KIAA1217: variants seen among roughly 807,000 people sequenced by gnomAD.
KIAA1217 encodes KIAA1217, also known as sickle tail protein homolog.
In KIAA1217, 88 loss-of-function variants were observed where a neutral mutation model predicts 163.9. The ratio of observed to expected loss-of-function variants is 0.54; its 90% CI spans 0.45 to 0.64. KIAA1217 has a LOEUF of 0.64. Ranked by LOEUF, KIAA1217 falls within the 30% of genes least tolerant of loss-of-function variation. The probability of loss-of-function intolerance (pLI) is 0.00; values close to 1 mark genes in which losing one functional copy is unlikely to be tolerated. For synonymous variants in KIAA1217, 903 were observed against 923.1 expected (o/e 0.98, Z 0.39); for missense variants, 2,372 against 2,475.0 (o/e 0.96, Z 0.88).
At chr10:24,539,449 T>G (rs2135376440) in intron 17 of KIAA1217, among the ~76,000 whole-genome samples, 1 of 152,130 alleles carries the variant, frequency 6.6e-6, no homozygotes, top group Non-Finnish European at 1.5e-5. Flanking sequence ...CAGGCTGGTC[T>G]TCAACTACTG....
intron 1 of KIAA1217, among the ~76,000 whole-genome samples, chr10:23,831,372 G>A (rs1231175550): frequency 6.6e-6 from 1 of 151,710 alleles, no homozygotes; most frequent in African/African-American, 2.4e-5. Flanking sequence ...GAAAATATTG[G>A]CAAATGAACC....
At chr10:23,711,546 T>C (rs962290145) in intron 1 of KIAA1217, among the ~76,000 whole-genome samples, 2 of 152,168 alleles carry the variant, frequency 1.3e-5, no homozygotes, top group Non-Finnish European at 2.9e-5. Flanking sequence ...TGTAGTAAAT[T>C]TGTGTTCTTT....
intron 3 of KIAA1217, among the ~76,000 whole-genome samples, chr10:24,390,809 C>G (rs56302519): frequency 0.52 from 78,500 of 152,004 alleles, 22,839 homozygotes; most frequent in African/African-American, 0.8. Context: ...TTTTGTGATA[C>G]AAGCATCCCC....
In KIAA1217 at chr10:24,543,463, G is replaced by C; in HGVS notation, c.4193G>C (p.Gly1398Ala). 6.2e-7 allele frequency: 1 copy of C among 1,614,092 alleles called. No homozygotes were observed. Among genetic ancestry groups the C allele is most frequent in the Non-Finnish European group, 8.5e-7 (1 of 1,180,018 alleles). The change falls in exon 19 of 21, where the codon GGG (glycine) becomes GCG (alanine). Residue 1398 changes from glycine (G) to alanine (A), a missense_variant. Physicochemically the swap from Gly to Ala is moderately conservative, Grantham distance 60. Coordinates refer to ENST00000376454, the MANE Select transcript of KIAA1217 (RefSeq NM_019590.5). ...TETTVQVLSS[G>A]EVHDIVSQKG... is the part of the protein sequence containing the mutation. ...ACCACTGTCCAGGTTCTTTCCAGTGGGGAGGTGCATGATATTGTTAGCCAA... is the reference window on the plus strand; with the variant it reads ...ACCACTGTCCAGGTTCTTTCCAGTGCGGAGGTGCATGATATTGTTAGCCAA...
chr10:24,089,971 T>C (rs1398865299), intron 2 of KIAA1217, among the ~76,000 whole-genome samples: 1 of 151,512 alleles, frequency 6.6e-6, no homozygotes, highest in Non-Finnish European at 1.5e-5. Context: ...CCAAAAAAGG[T>C]CCTGCATTGC....
chr10:23,817,535 TA>T (rs781204221), intron 1 of KIAA1217, among the ~76,000 whole-genome samples: 50 of 152,196 alleles, frequency 3.3e-4, no homozygotes, highest in Admixed American at 1.3e-3. Flanking sequence ...ACTTGAGGAA[TA>T]AACTCCAGGA....
chr10:23,728,322 A>G (rs1838283719), intron 1 of KIAA1217, among the ~76,000 whole-genome samples: 1 of 152,136 alleles, frequency 6.6e-6, no homozygotes, highest in South Asian at 2.1e-4. Flanking sequence ...CCTCTCCAGC[A>G]TCTGTTGTTT....
At chr10:24,397,335 G>A (rs776220163) in intron 3 of KIAA1217, among the ~76,000 whole-genome samples, 2 of 151,994 alleles carry the variant, frequency 1.3e-5, no homozygotes, top group South Asian at 2.1e-4. Flanking sequence ...CGATCCACCC[G>A]GCTTGGCCTC....
intron 2 of KIAA1217, among the ~76,000 whole-genome samples, chr10:24,331,105 G>A (rs2045614277): frequency 6.6e-6 from 1 of 151,530 alleles, no homozygotes; most frequent in Non-Finnish European, 1.5e-5. Context: ...CATCACTCCT[G>A]GCTAATTTTT....
chr10:24,215,034 C>A (rs2068638418), intron 1 of KIAA1217, among the ~76,000 whole-genome samples: 1 of 152,232 alleles, frequency 6.6e-6, no homozygotes, highest in Non-Finnish European at 1.5e-5. Flanking sequence ...CTTGAGGAGG[C>A]CCCATCTTCC....
At chr10:23,766,764 T>G (rs1425995877) in intron 1 of KIAA1217, among the ~76,000 whole-genome samples, 2 of 152,022 alleles carry the variant, frequency 1.3e-5, no homozygotes, top group Non-Finnish European at 2.9e-5. Context: ...AATTTTTGTA[T>G]TTTTAGCGGA....
intron 1 of KIAA1217, among the ~76,000 whole-genome samples, chr10:23,964,944 A>G (rs1295155922): frequency 1.3e-5 from 2 of 152,170 alleles, no homozygotes; most frequent in African/African-American, 2.4e-5. Flanking sequence ...AAGAATACGA[A>G]CTTTATCTTG....
chr10:23,754,329 T>C (rs1833813145), intron 1 of KIAA1217, among the ~76,000 whole-genome samples: 3 of 152,178 alleles, frequency 2.0e-5, no homozygotes, highest in Admixed American at 2.0e-4. Context: ...TAATGACTCA[T>C]CTCTGTCCTA....
At chr10:24,234,339 C>A (rs1326613402) in intron 2 of KIAA1217, among the ~76,000 whole-genome samples, 1 of 151,828 alleles carries the variant, frequency 6.6e-6, no homozygotes, top group Non-Finnish European at 1.5e-5. Flanking sequence ...AGTTACTCAA[C>A]CTGTAATGAG....
At chr10:24,002,420 C>T (rs1342187671) in intron 1 of KIAA1217, among the ~76,000 whole-genome samples, 1 of 152,096 alleles carries the variant, frequency 6.6e-6, no homozygotes, top group Non-Finnish European at 1.5e-5. Context: ...ACTTTTAGAA[C>T]ATTCCAGAGA....
At chr10:24,189,601 C>T (rs543248909) in intron 2 of KIAA1217, among the ~76,000 whole-genome samples, 2 of 152,230 alleles carry the variant, frequency 1.3e-5, no homozygotes, top group South Asian at 2.1e-4. Flanking sequence ...GAAAAGCAAA[C>T]AAATTGATTT....
chr10:24,225,435 C>T (rs896546931), intron 2 of KIAA1217, among the ~76,000 whole-genome samples: 3 of 152,138 alleles, frequency 2.0e-5, no homozygotes, highest in Non-Finnish European at 4.4e-5. Context: ...ACTTTTTTGT[C>T]AACAAATATT....
chr10:24,406,318 A>G (rs2057208571), intron 3 of KIAA1217, among the ~76,000 whole-genome samples: 1 of 152,180 alleles, frequency 6.6e-6, no homozygotes, highest in Non-Finnish European at 1.5e-5. Context: ...GATGTCCTAT[A>G]TGTAAATCTT....
chr10:24,377,153 A>T (rs1368996488), intron 2 of KIAA1217, among the ~76,000 whole-genome samples: 1 of 152,222 alleles, frequency 6.6e-6, no homozygotes, highest in Non-Finnish European at 1.5e-5. Context: ...AGTGGGGTTC[A>T]GGTGGCCTGA....
Sources: gnomAD v4.1 joint callset for allele counts (sites outside exome capture counted in the v4.1 genomes callset) on GRCh38, gnomAD v4.1.1 for gene constraint, MANE v1.5 for transcripts, NCBI Gene and HGNC (gene_info 2026-07-23, HGNC 2026-07-21) for gene names.